The following SP2 variants were observed in gnomAD, a reference collection of about 807,000 sequenced individuals.
SP2 encodes the protein Sp2 transcription factor.
SP2 carries 9 observed loss-of-function variants against 50.1 expected under a neutral mutation model. That is an observed-to-expected ratio of 0.18 (90% CI 0.11 to 0.31). SP2 has a LOEUF of 0.31. SP2 is among the 10% of genes least tolerant of loss of function. The probability of loss-of-function intolerance (pLI) is 1.00; values close to 1 mark genes in which losing one functional copy is unlikely to be tolerated. For missense variants in SP2, 581 were observed against 806.5 expected (o/e 0.72, Z 3.39); for synonymous variants, 313 against 326.6 (o/e 0.96, Z 0.45).
At chr17:47,914,146 G>A (rs2023190411) in intron 1 of SP2, among the ~76,000 whole-genome samples, 1 of 152,164 alleles carries the variant, frequency 6.6e-6, no homozygotes, top group Non-Finnish European at 1.5e-5. Context: ...TGAGGCAGGT[G>A]GATCACCTGA....
chr17:47,912,382 G>A (rs997786054), intron 1 of SP2, among the ~76,000 whole-genome samples: 1 of 151,930 alleles, frequency 6.6e-6, no homozygotes, highest in Non-Finnish European at 1.5e-5. Flanking sequence ...AACCATTTAA[G>A]GCACTGGTGT....
intron 1 of SP2, among the ~76,000 whole-genome samples, chr17:47,901,149 CTT>C (rs201921974): frequency 6.8e-6 from 1 of 146,360 alleles, no homozygotes; most frequent in Non-Finnish European, 1.5e-5. Context: ...CCTTCGTTAT[CTT>C]TTTTTTTTTT....
rs1007161260 is a variant in SP2, at chr17:47,917,030, C to T, written c.959C>T (p.Ala320Val). 1.2e-6 allele frequency: 2 copies of T among 1,614,164 alleles called. No homozygotes were observed. Among genetic ancestry groups the T allele is most frequent in the Non-Finnish European group, 1.7e-6 (2 of 1,180,040 alleles). The change falls in exon 3 of 7, where the codon GCT becomes GTT. Residue 320 changes from alanine to valine, a missense_variant. Ala to Val is a moderately conservative substitution (Grantham distance 64, BLOSUM62 0). Transcript: ENST00000376741. ...QQQVVQIPQQ[A>V]LRVVQAASAT... Reference sequence around the variant, plus strand: ...CAGGTGGTACAGATCCCCCAGCAGGCTCTGCGGGTGGTGCAGGCGGCATCT... The same window carrying T: ...CAGGTGGTACAGATCCCCCAGCAGGTTCTGCGGGTGGTGCAGGCGGCATCT...
chr17:47,902,098 C>G (rs545473617), intron 1 of SP2, among the ~76,000 whole-genome samples: 36 of 152,172 alleles, frequency 2.4e-4, no homozygotes, highest in African/African-American at 8.7e-4. Context: ...AAGGTGACAT[C>G]CGAGTAAAAC....
downstream of SP2, among the ~76,000 whole-genome samples, chr17:47,931,279 A>C (rs1021476084): frequency 1.3e-5 from 2 of 152,180 alleles, no homozygotes; most frequent in African/African-American, 4.8e-5. Flanking sequence ...CCCAGTAGGC[A>C]GAGGTTGCAG....
Position 47,916,051 on chromosome 17 carries a change from G to A in SP2, c.85-105G>A. The A allele has an allele frequency of 7.3e-7, 1 of 1,374,266 alleles. No individual in the cohort carries two copies. The highest frequency in any genetic ancestry group is 2.2e-5 in the Admixed American group (1 of 45,760). The allele number at this position is 1,374,266 out of a possible 1,614,324, so 85.1% of individuals were successfully genotyped here. On this transcript the variant is annotated intron_variant, in intron 2 of 6. Coordinates refer to ENST00000376741, the MANE Select transcript of SP2 (RefSeq NM_003110.6). The surrounding 1 kb of genome is among the most constrained non-coding windows in gnomAD (Gnocchi z 4.7). ...TGGCAACATGCCTGCCCCGGAGGTG[G>A]GGAAGACTGGCGTGGAATGCCGCCA... is the stretch of plus-strand genomic sequence containing the variant.
At chr17:47,913,223 G>GT (rs992774190) in intron 1 of SP2, among the ~76,000 whole-genome samples, 164 of 146,102 alleles carry the variant, frequency 1.1e-3, no homozygotes, top group Middle Eastern at 0.011. Flanking sequence ...CTTTTTGTTT[G>GT]TTTTTTTTTT....
chr17:47,918,928 A>G (rs1208864367), intron 3 of SP2, among the ~76,000 whole-genome samples: 5 of 152,178 alleles, frequency 3.3e-5, no homozygotes, highest in East Asian at 3.9e-4. Flanking sequence ...AGCAGAGACA[A>G]TATGCCCCGC....
chr17:47,922,231 C>T lies in SP2; in HGVS notation c.1060-731C>T, dbSNP rs553605218. On this transcript the variant is annotated intron_variant, in intron 3 of 6. Transcript: ENST00000376741. Reference sequence around the variant, plus strand: ...AGAGACACCCTCCTCAGCCTGCCACCGCCATTCCCTACCCACCACGGACAC... The same window carrying T: ...AGAGACACCCTCCTCAGCCTGCCACTGCCATTCCCTACCCACCACGGACAC... 2.6e-4 allele frequency among the ~76,000 whole-genome samples: 39 copies of T among 152,256 alleles called. 1 individual carries two copies. The highest frequency in any genetic ancestry group is 7.5e-4 in the African/African-American group (31 of 41,542).
chr17:47,931,434 C>T (rs2035815979), downstream of SP2, among the ~76,000 whole-genome samples: 1 of 152,130 alleles, frequency 6.6e-6, no homozygotes, highest in Non-Finnish European at 1.5e-5. Flanking sequence ...GCCTGCCACA[C>T]GACATATTTT....
At chr17:47,906,449 C>T (rs964889604) in intron 1 of SP2, among the ~76,000 whole-genome samples, 1 of 152,178 alleles carries the variant, frequency 6.6e-6, no homozygotes, top group African/African-American at 2.4e-5. Context: ...GGAGCCCTCG[C>T]ATACATTGGG....
Position 47,916,695 on chromosome 17 carries a change from C to T in SP2, c.624C>T (p.Gly208=), listed in dbSNP as rs1192313307. ...TGGTGAAGCTGACAGGTGGGGGCGGCAATGTGACGCTCACTCTGCCCGTCA... is the reference window on the plus strand; with the variant it reads ...TGGTGAAGCTGACAGGTGGGGGCGGTAATGTGACGCTCACTCTGCCCGTCA... ...ANVVKLTGGG[G]NVTLTLPVNN... is the part of the protein sequence containing the mutation. Residue 208 remains glycine, a synonymous_variant, in exon 3 of 7, where the codon GGC becomes GGT. Coordinates refer to ENST00000376741, the MANE Select transcript of SP2 (RefSeq NM_003110.6). This position sits in a 1 kb window ranked among gnomAD's most constrained non-coding sequence, Gnocchi z 4.7. The T allele has an allele frequency of 6.2e-7, 1 of 1,613,470 alleles. No individual in the cohort carries two copies. Among genetic ancestry groups the T allele is most frequent in the East Asian group, 2.2e-5 (1 of 44,860 alleles).
At position 47,916,477 on chromosome 17, in the gene SP2, C is replaced by T. The variant is rs1325242645; in HGVS notation, c.406C>T (p.Pro136Ser). 1.9e-6 allele frequency: 3 copies of T among 1,614,092 alleles called. No homozygotes were observed. The highest frequency in any genetic ancestry group is 1.7e-5 in the Admixed American group (1 of 59,992). ...TGCCAATATCCAGTACCAGGCGGTCCCTCAGATTCAGGCAAGCAATTCCCA... is the reference window on the plus strand; with the variant it reads ...TGCCAATATCCAGTACCAGGCGGTCTCTCAGATTCAGGCAAGCAATTCCCA... ...SNANIQYQAV[P>S]QIQASNSQTI... Residue 136 changes from proline (P) to serine (S), a missense_variant, in exon 3 of 7, where the codon CCT becomes TCT. Coordinates refer to ENST00000376741, the MANE Select transcript of SP2 (RefSeq NM_003110.6). The surrounding 1 kb of genome is among the most constrained non-coding windows in gnomAD (Gnocchi z 4.7).
intron 1 of SP2, among the ~76,000 whole-genome samples, chr17:47,909,263 A>G (rs2034886759): frequency 6.6e-6 from 1 of 152,310 alleles, no homozygotes; most frequent in East Asian, 1.9e-4. Flanking sequence ...TAGAAATGCA[A>G]TCCAAAATTG....
chr17:47,911,750 A>G (rs1313747996), intron 1 of SP2, among the ~76,000 whole-genome samples: 3 of 151,500 alleles, frequency 2.0e-5, no homozygotes, highest in African/African-American at 7.3e-5. Flanking sequence ...GCTTGCAGTG[A>G]GCAGAGATCG....
At position 47,916,949 on chromosome 17, in the gene SP2, G is replaced by T; in HGVS notation, c.878G>T (p.Gly293Val). ...NLLIVQSPGGGQPAVVQQVQV... is the reference protein window; with the variant it reads ...NLLIVQSPGGVQPAVVQQVQV... ...CTCATTGTTCAGAGCCCTGGTGGGGGCCAGCCAGCTGTGGTCCAGCAGGTC... is the reference window on the plus strand; with the variant it reads ...CTCATTGTTCAGAGCCCTGGTGGGGTCCAGCCAGCTGTGGTCCAGCAGGTC... Residue 293 changes from glycine (G) to valine (V), a missense_variant, in exon 3 of 7, where the codon GGC becomes GTC. By Grantham distance (109) the Gly-to-Val change is moderately radical (BLOSUM62 -3). Transcript: ENST00000376741. This position sits in a 1 kb window ranked among gnomAD's most constrained non-coding sequence, Gnocchi z 4.7. 1 of 1,614,086 alleles carries T rather than the reference G, an allele frequency of 6.2e-7. No individual in the cohort carries two copies. Among genetic ancestry groups the T allele is most frequent in the South Asian group, 1.1e-5 (1 of 91,082 alleles).
At chr17:47,917,771 C>G in intron 3 of SP2, 1 of 446,000 alleles carries the variant, frequency 2.2e-6, no homozygotes, top group South Asian at 1.6e-5. Flanking sequence ...GTCACCATGC[C>G]AGGCTGAGCC....
At position 47,925,503 on chromosome 17, in the gene SP2, G is replaced by A; in HGVS notation, c.1703G>A (p.Arg568Gln). 1 of 1,614,124 alleles carries A rather than the reference G, an allele frequency of 6.2e-7. No homozygotes were observed. Among genetic ancestry groups the A allele is most frequent in the South Asian group, 1.1e-5 (1 of 91,088 alleles). The change falls in exon 6 of 7, where the codon CGG (arginine) becomes CAG (glutamine). Residue 568 changes from arginine (R) to glutamine (Q), a missense_variant. Arg to Gln is a conservative substitution (Grantham distance 43). Transcript: ENST00000376741. ...NWFFCGKRFT[R>Q]SDELQRHART... The stretch of plus-strand genomic sequence containing the variant: ...TTCTTCTGTGGGAAGAGGTTCACAC[G>A]GAGTGACGAGCTCCAACGGCATGCT...
chr17:47,904,854 C>T (rs969578950), intron 1 of SP2, among the ~76,000 whole-genome samples: 6 of 152,206 alleles, frequency 3.9e-5, no homozygotes, highest in African/African-American at 1.4e-4. Context: ...ACTGCAGCCT[C>T]GACTTCCTGG....
Sources: gnomAD v4.1 joint callset for allele counts (sites outside exome capture counted in the v4.1 genomes callset) on GRCh38, gnomAD v4.1.1 for gene constraint, Gnocchi (gnomAD v3.1) non-coding constraint, MANE v1.5 for transcripts, NCBI Gene and HGNC (gene_info 2026-07-23, HGNC 2026-07-21) for gene names.